AOPEP: variants seen among roughly 807,000 people sequenced by gnomAD.
The protein encoded by AOPEP is aminopeptidase O (putative), also known as aminopeptidase O.
A neutral mutation model predicts 98.1 loss-of-function variants in AOPEP; 77 were observed. That is an observed-to-expected ratio of 0.78 (90% CI 0.65 to 0.95). The LOEUF (loss-of-function observed/expected upper bound fraction) is 0.95, where lower values mean the gene tolerates loss of function less well. Among genes scored for constraint, AOPEP ranks in the 40% least tolerant of loss-of-function variants. AOPEP has a pLI of 0.00. For missense variants in AOPEP, 1,024 were observed against 1,024.7 expected (o/e 1.00, Z 0.01); for synonymous variants, 346 against 365.3 (o/e 0.95, Z 0.60).
chr9:95,125,917 C>T, the AOPEP span, among the ~76,000 whole-genome samples: 1 of 152,318 alleles, frequency 6.6e-6, no homozygotes, highest in East Asian at 1.9e-4. Flanking sequence ...GGTTAGTACT[C>T]CCACTAACTT....
At chr9:95,106,213 CT>C in the AOPEP span, among the ~76,000 whole-genome samples, 1 of 152,284 alleles carries the variant, frequency 6.6e-6, no homozygotes, top group Non-Finnish European at 1.5e-5. Context: ...CACTCATGCC[CT>C]TTCTGTGAGC....
chr9:95,094,152 G>T, the AOPEP span, among the ~76,000 whole-genome samples: 55 of 152,092 alleles, frequency 3.6e-4, 1 homozygote, highest in Middle Eastern at 6.8e-3. Context: ...CCCAGTGGTT[G>T]TTGGCTGTCG....
chr9:94,845,462 C>T (rs1048075628), intron 5 of AOPEP, among the ~76,000 whole-genome samples: 1 of 152,048 alleles, frequency 6.6e-6, no homozygotes, highest in African/African-American at 2.4e-5. Flanking sequence ...AGGAGTAACA[C>T]GATTTGAGGT....
At chr9:94,728,243 A>ACACACACACT (rs1564021420) in intron 1 of AOPEP, among the ~76,000 whole-genome samples, 10 of 139,654 alleles carry the variant, frequency 7.2e-5, no homozygotes, top group African/African-American at 2.5e-4. Flanking sequence ...GCGCATGCAC[A>ACACACACACT]CACACACACA....
chr9:95,112,374 A>C, the AOPEP span, among the ~76,000 whole-genome samples: 2 of 151,982 alleles, frequency 1.3e-5, no homozygotes, highest in African/African-American at 4.8e-5. Context: ...CCTTTGTTGG[A>C]TCTTCCTGCA....
chr9:94,778,831 C>T (rs1842710964), intron 3 of AOPEP, among the ~76,000 whole-genome samples: 1 of 151,976 alleles, frequency 6.6e-6, no homozygotes, highest in South Asian at 2.1e-4. Context: ...AGTTCAAGAC[C>T]AGCCTGGGCA....
intron 13 of AOPEP, among the ~76,000 whole-genome samples, chr9:95,028,438 G>A (rs763286948): frequency 2.6e-5 from 4 of 152,244 alleles, no homozygotes; most frequent in Non-Finnish European, 5.9e-5. Flanking sequence ...TACCCACACA[G>A]CCTTCAGGTG....
intron 5 of AOPEP, among the ~76,000 whole-genome samples, chr9:94,882,256 C>G (rs1470893390): frequency 6.6e-6 from 1 of 152,134 alleles, no homozygotes; most frequent in Admixed American, 6.5e-5. Context: ...AGAGAGGAAA[C>G]AGGGTTATTT....
Position 94,975,765 on chromosome 9 carries a change from C to T in AOPEP, c.1917-3602C>T, listed in dbSNP as rs1589137880. ...CCGCTTTTTCTTCCTTGACTCAGTT[C>T]TCTGCCGTGTCCCTCTGCAATTTTG... On this transcript the variant is annotated intron_variant, in intron 10 of 16. Transcript: ENST00000375315. 3.9e-5 allele frequency among the ~76,000 whole-genome samples: 6 copies of T among 152,338 alleles called. No homozygotes were observed. The South Asian group carries it at 1.2e-3, about 32-fold the overall frequency.
At chr9:94,802,130 A>T (rs1347134903) in intron 5 of AOPEP, among the ~76,000 whole-genome samples, 1 of 152,162 alleles carries the variant, frequency 6.6e-6, no homozygotes, top group Non-Finnish European at 1.5e-5. Flanking sequence ...CGTGCATCAT[A>T]TAATTGTCTT....
At chr9:94,730,271 G>A (rs566654562) in intron 1 of AOPEP, among the ~76,000 whole-genome samples, 128 of 145,482 alleles carry the variant, frequency 8.8e-4, no homozygotes, top group Middle Eastern at 7.0e-3. Context: ...GCGACAGAGC[G>A]AGACTCCATC....
chr9:95,081,940 G>A (rs1009485223), intron 15 of AOPEP, among the ~76,000 whole-genome samples: 6 of 152,096 alleles, frequency 3.9e-5, no homozygotes, highest in Non-Finnish European at 5.9e-5. Context: ...CTTCTAGAAC[G>A]TCCTTGGCTA....
intron 7 of AOPEP, among the ~76,000 whole-genome samples, chr9:94,945,190 A>G (rs2057484059): frequency 6.6e-6 from 1 of 152,182 alleles, no homozygotes; most frequent in Non-Finnish European, 1.5e-5. Context: ...ACAAGTGTAT[A>G]CACACAAGAT....
chr9:95,114,304 G>T, the AOPEP span: 1 of 376,476 alleles, frequency 2.7e-6, no homozygotes, highest in East Asian at 6.4e-5. Flanking sequence ...GTTCCCAGCA[G>T]GTGGGTGCTG....
At chr9:95,070,698 C>T (rs1182496918) in intron 14 of AOPEP, among the ~76,000 whole-genome samples, 1 of 152,268 alleles carries the variant, frequency 6.6e-6, no homozygotes, top group South Asian at 2.1e-4. Flanking sequence ...ATAAATACAT[C>T]AGACTAGCGG....
intron 3 of AOPEP, among the ~76,000 whole-genome samples, chr9:94,778,210 A>T (rs1842575632): frequency 6.6e-6 from 1 of 152,188 alleles, no homozygotes; most frequent in Non-Finnish European, 1.5e-5. Flanking sequence ...GTATGAAAGA[A>T]TGCAACCACT....
chr9:94,985,028 T>A (rs2060428446), intron 11 of AOPEP, among the ~76,000 whole-genome samples: 1 of 152,216 alleles, frequency 6.6e-6, no homozygotes, highest in Non-Finnish European at 1.5e-5. Context: ...TTTCCTGAGG[T>A]GTGAACCACA....
chr9:94,799,117 A>G (rs1847661030), intron 4 of AOPEP, among the ~76,000 whole-genome samples: 1 of 152,174 alleles, frequency 6.6e-6, no homozygotes. Flanking sequence ...GTACCTAGCC[A>G]TATTGGTCTC....
intron 7 of AOPEP, chr9:94,932,835 T>A: frequency 3.0e-6 from 3 of 985,426 alleles, no homozygotes; most frequent in Non-Finnish European, 2.4e-6. Flanking sequence ...CCGATGTGTC[T>A]GAGATTGACT....
Sources: allele counts gnomAD v4.1 joint callset (sites outside exome capture counted in the v4.1 genomes callset), GRCh38; gene constraint gnomAD v4.1.1; transcripts MANE v1.5; gene names NCBI Gene and HGNC (gene_info 2026-07-23, HGNC 2026-07-21).